Variants in PRKCE observed in about 807,000 individuals in gnomAD.
PRKCE encodes protein kinase C epsilon, also known as protein kinase C epsilon type.
PRKCE carries 16 observed loss-of-function variants against 85.4 expected under a neutral mutation model. The observed-to-expected ratio is 0.19, with a 90% CI of 0.13 to 0.28. The LOEUF (loss-of-function observed/expected upper bound fraction) is 0.28, where lower values mean the gene tolerates loss of function less well. PRKCE is among the 10% of genes least tolerant of loss of function. The probability of loss-of-function intolerance (pLI) is 1.00; values close to 1 mark genes in which losing one functional copy is unlikely to be tolerated. For missense variants in PRKCE, 573 were observed against 975.2 expected (o/e 0.59, Z 5.49); for synonymous variants, 388 against 371.5 (o/e 1.04, Z -0.51).
intron 11 of PRKCE, among the ~76,000 whole-genome samples, chr2:46,107,118 G>A (rs546502758): frequency 2.0e-5 from 3 of 152,050 alleles, no homozygotes; most frequent in Non-Finnish European, 4.4e-5. Context: ...TAGTTACATT[G>A]GCTGAAAAAC....
intron 10 of PRKCE, among the ~76,000 whole-genome samples, chr2:46,069,133 T>G (rs1452608807): frequency 6.6e-6 from 1 of 152,224 alleles, no homozygotes; most frequent in Non-Finnish European, 1.5e-5. Context: ...TCATTGAAGA[T>G]GCTTTGAAGA....
At chr2:45,790,466 G>C (rs1002652097) in intron 1 of PRKCE, among the ~76,000 whole-genome samples, 4 of 152,338 alleles carry the variant, frequency 2.6e-5, no homozygotes, top group South Asian at 2.1e-4. Flanking sequence ...TCAGAGCGTA[G>C]AGCAAGTTTT....
intron 2 of PRKCE, among the ~76,000 whole-genome samples, chr2:45,958,474 A>G (rs1296846711): frequency 6.7e-6 from 1 of 148,466 alleles, no homozygotes; most frequent in African/African-American, 2.5e-5. Flanking sequence ...GCACCACTGC[A>G]CTCCAGCCTG....
chr2:46,180,168 G>A (rs1051484155), intron 14 of PRKCE, among the ~76,000 whole-genome samples: 1 of 152,214 alleles, frequency 6.6e-6, no homozygotes, highest in Non-Finnish European at 1.5e-5. Context: ...TGCTCAAGCA[G>A]CCCTGGAGGG....
chr2:45,844,407 G>A (rs1375745130), intron 2 of PRKCE, among the ~76,000 whole-genome samples: 1 of 152,182 alleles, frequency 6.6e-6, no homozygotes, highest in Non-Finnish European at 1.5e-5. Context: ...ACCTGTTGTA[G>A]AAGATTTGAG....
At chr2:45,661,297 C>G (rs1419889347) in intron 1 of PRKCE, among the ~76,000 whole-genome samples, 2 of 151,784 alleles carry the variant, frequency 1.3e-5, no homozygotes, top group Non-Finnish European at 2.9e-5. Context: ...ATTCTCCTGT[C>G]TCAGCCTCCC....
At chr2:45,961,497 T>A (rs1701374691) in intron 2 of PRKCE, among the ~76,000 whole-genome samples, 1 of 152,164 alleles carries the variant, frequency 6.6e-6, no homozygotes, top group Admixed American at 6.5e-5. Flanking sequence ...TTGTTATTTG[T>A]TTGAGGGGGG....
chr2:45,765,379 T>C (rs1684830994), intron 1 of PRKCE, among the ~76,000 whole-genome samples: 1 of 152,230 alleles, frequency 6.6e-6, no homozygotes, highest in South Asian at 2.1e-4. Flanking sequence ...TTGTAAGGTG[T>C]GAACTGTAGG....
intron 14 of PRKCE, among the ~76,000 whole-genome samples, chr2:46,168,786 T>C (rs1204653572): frequency 1.3e-5 from 2 of 152,216 alleles, no homozygotes; most frequent in Non-Finnish European, 2.9e-5. Flanking sequence ...GAAGAGGGCC[T>C]CTGGGGAGGC....
At chr2:45,978,842 G>T in intron 3 of PRKCE, 134 bp from the exon 4 acceptor site, 1 of 718,034 alleles carries the variant, frequency 1.4e-6, no homozygotes, top group Non-Finnish European at 2.3e-6. Flanking sequence ...AAGTGAGAGA[G>T]AAATTACAAT....
intron 10 of PRKCE, among the ~76,000 whole-genome samples, chr2:46,056,063 G>A (rs1429336637): frequency 6.6e-6 from 1 of 152,112 alleles, no homozygotes; most frequent in Non-Finnish European, 1.5e-5. Flanking sequence ...CCACCAACAG[G>A]CTCTATAACC....
chr2:46,008,707 G>T (rs1052957100), intron 9 of PRKCE, among the ~76,000 whole-genome samples: 2 of 152,174 alleles, frequency 1.3e-5, no homozygotes, highest in Non-Finnish European at 1.5e-5. Context: ...AATGGCAAAA[G>T]CTGAAGCAAT....
chr2:46,026,763 C>T (rs1707142513), intron 10 of PRKCE, among the ~76,000 whole-genome samples: 1 of 152,172 alleles, frequency 6.6e-6, no homozygotes, highest in Non-Finnish European at 1.5e-5. Context: ...AAAAGATACA[C>T]AGCTGACTAC....
intron 10 of PRKCE, among the ~76,000 whole-genome samples, chr2:46,075,074 C>T (rs1435947595): frequency 3.9e-5 from 6 of 152,102 alleles, no homozygotes; most frequent in African/African-American, 1.4e-4. Flanking sequence ...GGAGTCTCGC[C>T]CTGTCGCCCA....
intron 2 of PRKCE, among the ~76,000 whole-genome samples, chr2:45,903,780 A>C (rs1696744046): frequency 6.6e-6 from 1 of 152,182 alleles, no homozygotes; most frequent in Admixed American, 6.5e-5. Flanking sequence ...TCCTTCTTGG[A>C]AATGGGTTAA....
At chr2:46,113,065 G>A (rs1234483579) in intron 11 of PRKCE, among the ~76,000 whole-genome samples, 1 of 152,086 alleles carries the variant, frequency 6.6e-6, no homozygotes, top group Non-Finnish European at 1.5e-5. Context: ...ATTTGGTTTG[G>A]CAGTGAGCAC....
At chr2:45,832,172 T>G (rs755426804) in intron 1 of PRKCE, among the ~76,000 whole-genome samples, 1 of 152,234 alleles carries the variant, frequency 6.6e-6, no homozygotes, top group African/African-American at 2.4e-5. Context: ...TCCCCAAAGT[T>G]GGGCATCCTG....
At chr2:45,783,042 C>T (rs937572852) in intron 1 of PRKCE, among the ~76,000 whole-genome samples, 7 of 152,090 alleles carry the variant, frequency 4.6e-5, no homozygotes, top group Non-Finnish European at 1.0e-4. Context: ...ATGCGCCTTC[C>T]CCGTCCAAAT....
intron 1 of PRKCE, among the ~76,000 whole-genome samples, chr2:45,839,227 G>A (rs1691149229): frequency 1.3e-5 from 2 of 152,100 alleles, no homozygotes; most frequent in South Asian, 4.1e-4. Context: ...TGAAGAGGCT[G>A]AGAGGCTCAG....
Sources: allele counts gnomAD v4.1 joint callset (sites outside exome capture counted in the v4.1 genomes callset), GRCh38; gene constraint gnomAD v4.1.1; transcripts MANE v1.5; gene names NCBI Gene and HGNC (gene_info 2026-07-23, HGNC 2026-07-21).